The following ULK4 variants were observed in gnomAD, a reference collection of about 807,000 sequenced individuals.
ULK4 encodes inactive serine/threonine-protein kinase ULK4.
Under a neutral mutation model 160.6 loss-of-function variants are expected in ULK4, and 133 were observed. The ratio of observed to expected loss-of-function variants is 0.83; its 90% CI spans 0.72 to 0.96. The LOEUF is 0.96. Among genes scored for constraint, ULK4 ranks in the 40% least tolerant of loss-of-function variants. The pLI, the probability that ULK4 is intolerant of heterozygous loss-of-function variation, is 0.00. For missense variants in ULK4, 1,580 were observed against 1,499.5 expected, an observed-to-expected ratio of 1.05 and a Z score of -0.89; for synonymous variants, 534 against 539.8, an observed-to-expected ratio of 0.99 and a Z score of 0.15.
chr3:41,262,458 A>G (rs1423528175), intron 35 of ULK4, among the ~76,000 whole-genome samples: 2 of 152,188 alleles, frequency 1.3e-5, no homozygotes, highest in Non-Finnish European at 2.9e-5. Flanking sequence ...CACTTTGGTG[A>G]GAGCAAAGCA....
chr3:41,435,796 A>C (rs1575555499), intron 34 of ULK4, among the ~76,000 whole-genome samples: 1 of 151,982 alleles, frequency 6.6e-6, no homozygotes, highest in Non-Finnish European at 1.5e-5. Flanking sequence ...AAAATATAAA[A>C]ATTAGCTGGG....
At chr3:41,368,202 G>C (rs55679401) in intron 35 of ULK4, among the ~76,000 whole-genome samples, 82,325 of 151,424 alleles carry the variant, frequency 0.54, 23,836 homozygotes, top group African/African-American at 0.76. Context: ...CGCCCACCAC[G>C]ACGCCCGGCT....
intron 2 of ULK4, among the ~76,000 whole-genome samples, chr3:41,951,261 A>G (rs1009735242): frequency 6.6e-5 from 10 of 151,908 alleles, no homozygotes; most frequent in South Asian, 6.2e-4. Flanking sequence ...CCCAAAATCA[A>G]TCTATCCAAA....
intron 17 of ULK4, among the ~76,000 whole-genome samples, chr3:41,849,749 G>T (rs1051894430): frequency 6.6e-6 from 1 of 152,100 alleles, no homozygotes; most frequent in Non-Finnish European, 1.5e-5. Flanking sequence ...GAGGGCAGGG[G>T]TATATGAGAT....
chr3:41,868,201 A>G (rs1696966560), intron 17 of ULK4, among the ~76,000 whole-genome samples: 2 of 152,188 alleles, frequency 1.3e-5, no homozygotes, highest in South Asian at 4.1e-4. Flanking sequence ...ATCCAACAAT[A>G]ATGAATTTGT....
At position 41,938,089 on chromosome 3, in the gene ULK4, C is replaced by T. The variant is rs1244855777; in HGVS notation, c.238+9G>A. Reference sequence around the variant, plus strand: ...ATATTCATAGCACTTTTTACATACTCTTTCTTACCTGTGCAGAGTTCCACC... The same window carrying T: ...ATATTCATAGCACTTTTTACATACTTTTTCTTACCTGTGCAGAGTTCCACC... On this transcript the variant is annotated intron_variant, in intron 3 of 36. Transcript: ENST00000301831. 6.3e-7 allele frequency: 1 copy of T among 1,595,270 alleles called. No homozygotes were observed.
intron 32 of ULK4, among the ~76,000 whole-genome samples, chr3:41,492,829 G>C (rs2084836278): frequency 7.1e-6 from 1 of 141,188 alleles, no homozygotes; most frequent in Non-Finnish European, 1.5e-5. Context: ...AACAGACAAA[G>C]AAGGCCATTA....
At chr3:41,803,852 A>G (rs1024057746) in intron 19 of ULK4, among the ~76,000 whole-genome samples, 1 of 152,222 alleles carries the variant, frequency 6.6e-6, no homozygotes, top group Non-Finnish European at 1.5e-5. Flanking sequence ...TCCATGCTGT[A>G]TATGTGCCAC....
At chr3:41,876,674 C>G (rs1697315049) in intron 17 of ULK4, among the ~76,000 whole-genome samples, 1 of 152,142 alleles carries the variant, frequency 6.6e-6, no homozygotes, top group Non-Finnish European at 1.5e-5. Context: ...ATGTAGTATA[C>G]TCATGTAATA....
At chr3:41,576,500 T>C (rs1454461446) in intron 31 of ULK4, among the ~76,000 whole-genome samples, 1 of 152,194 alleles carries the variant, frequency 6.6e-6, no homozygotes, top group East Asian at 1.9e-4. Context: ...ACAATCCTGC[T>C]CTAAGTTGCT....
chr3:41,813,129 G>A (rs1269028505), intron 19 of ULK4, among the ~76,000 whole-genome samples: 1 of 152,104 alleles, frequency 6.6e-6, no homozygotes, highest in Non-Finnish European at 1.5e-5. Context: ...CCAGGAAGGG[G>A]AACAATGCAT....
At chr3:41,425,817 G>A (rs1019133770) in intron 34 of ULK4, among the ~76,000 whole-genome samples, 1 of 152,144 alleles carries the variant, frequency 6.6e-6, no homozygotes, top group African/African-American at 2.4e-5. Flanking sequence ...CCCAGCCACT[G>A]CAAAAACATA....
At chr3:41,776,670 T>C (rs189378178) in intron 21 of ULK4, among the ~76,000 whole-genome samples, 6,974 of 112,516 alleles carry the variant, frequency 0.062, 852 homozygotes, top group African/African-American at 0.15. Flanking sequence ...TCTGCATCTA[T>C]TGAGATAATC....
intron 32 of ULK4, among the ~76,000 whole-genome samples, chr3:41,501,481 G>C (rs1362777265): frequency 6.6e-6 from 1 of 152,092 alleles, no homozygotes; most frequent in African/African-American, 2.4e-5. Context: ...CTGGGTGACA[G>C]AGCAAGACTC....
At chr3:41,719,192 C>T (rs1204930595) in intron 22 of ULK4, among the ~76,000 whole-genome samples, 2 of 152,262 alleles carry the variant, frequency 1.3e-5, no homozygotes, top group Admixed American at 6.5e-5. Flanking sequence ...TCTGGTTGTT[C>T]CTTCTCTGTG....
chr3:41,714,852 T>TA lies in ULK4; in HGVS notation c.2634+384dup, dbSNP rs60470015. On this transcript the variant is annotated intron_variant, in intron 25 of 36. Coordinates refer to ENST00000301831, the MANE Select transcript of ULK4 (RefSeq NM_017886.4). ...GGGCAACAGAGCGAGACTCTGTCTT[T>TA]AAAAAAAAAAAAGAAACTGCACATG... 2.2e-3 allele frequency among the ~76,000 whole-genome samples: 289 copies of TA among 131,286 alleles called. 6 individuals carry two copies. The highest frequency in any genetic ancestry group is 6.8e-3 in the African/African-American group (204 of 30,154). The allele number at this position is 131,286 out of a possible 152,430, so 86.1% of individuals were successfully genotyped here.
intron 32 of ULK4, among the ~76,000 whole-genome samples, chr3:41,475,360 G>A (rs1396580302): frequency 6.6e-6 from 1 of 152,074 alleles, no homozygotes; most frequent in East Asian, 1.9e-4. Context: ...TGGAGATGAT[G>A]GTCAAAAGGT....
At chr3:41,566,456 G>A (rs1321959151) in intron 31 of ULK4, among the ~76,000 whole-genome samples, 2 of 152,192 alleles carry the variant, frequency 1.3e-5, no homozygotes, top group African/African-American at 4.8e-5. Flanking sequence ...GATCATGCTT[G>A]AAGATGAGTT....
chr3:41,290,650 G>A (rs1026340379), intron 35 of ULK4, among the ~76,000 whole-genome samples: 10 of 152,250 alleles, frequency 6.6e-5, no homozygotes, highest in East Asian at 1.9e-4. Context: ...GGCACTCAGC[G>A]GCTAGGAGGC....
Sources: gnomAD v4.1 joint callset for allele counts (sites outside exome capture counted in the v4.1 genomes callset) on GRCh38, gnomAD v4.1.1 for gene constraint, MANE v1.5 for transcripts, NCBI Gene and HGNC (gene_info 2026-07-23, HGNC 2026-07-21) for gene names.